APBA2: variants seen among roughly 807,000 people sequenced by gnomAD.
The protein encoded by APBA2 is amyloid beta precursor protein binding family A member 2.
APBA2 carries 30 observed loss-of-function variants against 75.0 expected under a neutral mutation model. The observed-to-expected ratio is 0.40, with a 90% CI of 0.30 to 0.54. APBA2 has a LOEUF of 0.54. Ranked by LOEUF, APBA2 falls within the 20% of genes least tolerant of loss-of-function variation. The pLI is 0.49. For synonymous variants in APBA2, 444 were observed against 409.6 expected (o/e 1.08, Z -1.01); for missense variants, 801 against 1,016.1 (o/e 0.79, Z 2.88).
At chr15:29,074,283 G>A (rs1468500981) in intron 4 of APBA2, among the ~76,000 whole-genome samples, 1 of 152,158 alleles carries the variant, frequency 6.6e-6, no homozygotes, top group Non-Finnish European at 1.5e-5. Flanking sequence ...GAGGTGGCAT[G>A]TACACACAGT....
intron 6 of APBA2, among the ~76,000 whole-genome samples, chr15:29,080,206 T>G (rs1454371379): frequency 6.6e-6 from 1 of 152,176 alleles, no homozygotes; most frequent in Non-Finnish European, 1.5e-5. Context: ...AACTTAACAA[T>G]CACTATATCC....
At position 29,108,342 on chromosome 15, in the gene APBA2, C is replaced by T. The variant is rs1163175260; in HGVS notation, c.1990C>T (p.Arg664Trp). 5 of 1,613,952 alleles carry T rather than the reference C, an allele frequency of 3.1e-6. No homozygotes were observed. The highest frequency in any genetic ancestry group is 1.3e-5 in the African/African-American group (1 of 74,926). ...CPPVTTVLIK[R>W]PDLKYQLGFS... ...CCCGGTCACCACGGTCCTTATCAAG[C>T]GGCCAGACCTCAAGTACCAGCTGGG... Residue 664 changes from arginine (R) to tryptophan (W), a missense_variant, in exon 13 of 15, where the codon CGG becomes TGG. Physicochemically the swap from Arg to Trp is moderately radical, Grantham distance 101. Coordinates refer to ENST00000683413, the MANE Select transcript of APBA2 (RefSeq NM_001353788.2).
chr15:28,965,348 G>A (rs1435577894), intron 2 of APBA2, among the ~76,000 whole-genome samples: 1 of 152,006 alleles, frequency 6.6e-6, no homozygotes, highest in African/African-American at 2.4e-5. Context: ...CTCTCCCTTT[G>A]CCTATATCAC....
At chr15:29,011,901 T>G (rs973478703) in intron 3 of APBA2, among the ~76,000 whole-genome samples, 1 of 152,224 alleles carries the variant, frequency 6.6e-6, no homozygotes, top group African/African-American at 2.4e-5. Flanking sequence ...ATGAATTCTT[T>G]CTTTTCCATA....
intron 3 of APBA2, among the ~76,000 whole-genome samples, chr15:29,005,250 G>C (rs1160346436): frequency 6.6e-6 from 1 of 152,088 alleles, no homozygotes; most frequent in African/African-American, 2.4e-5. Flanking sequence ...TGGACAATGG[G>C]AATAATGTGC....
chr15:28,892,336 A>C (rs2152609771), intron 1 of APBA2, among the ~76,000 whole-genome samples: 1 of 152,296 alleles, frequency 6.6e-6, no homozygotes, highest in African/African-American at 2.4e-5. Context: ...CGGCCTCCCA[A>C]GGTGCTGGGA....
chr15:28,914,558 C>T (rs2033578036), intron 1 of APBA2, among the ~76,000 whole-genome samples: 1 of 152,160 alleles, frequency 6.6e-6, no homozygotes, highest in East Asian at 1.9e-4. Context: ...CTACAAGCTG[C>T]TCCTCCTCCC....
intron 4 of APBA2, 132 bp from the exon 5 acceptor site, chr15:29,074,789 C>T (rs1165648248): frequency 4.1e-6 from 3 of 739,206 alleles, no homozygotes; most frequent in Non-Finnish European, 7.3e-6. Context: ...AAATAGACGT[C>T]TGCACACACA....
intron 2 of APBA2, among the ~76,000 whole-genome samples, chr15:28,941,104 T>C (rs769221906): frequency 1.8e-4 from 28 of 152,310 alleles, no homozygotes; most frequent in Admixed American, 1.2e-3. Context: ...CAATTATATA[T>C]TTTTGGTAAA....
intron 1 of APBA2, among the ~76,000 whole-genome samples, chr15:28,901,908 A>AGGTGTGTGTGTGTG (rs1555370175): frequency 3.0e-5 from 2 of 67,378 alleles, no homozygotes; most frequent in Non-Finnish European, 5.5e-5. Flanking sequence ...GGAGCTTTTG[A>AGGTGTGTGTGTGTG]TGTGTGTGTG....
chr15:29,064,695 G>T (rs2042299253), intron 4 of APBA2, among the ~76,000 whole-genome samples: 1 of 152,156 alleles, frequency 6.6e-6, no homozygotes, highest in South Asian at 2.1e-4. Flanking sequence ...GGAAGGCGAG[G>T]GACATGGGTT....
intron 3 of APBA2, among the ~76,000 whole-genome samples, chr15:29,003,056 C>G (rs1023229604): frequency 5.3e-5 from 8 of 152,080 alleles, no homozygotes; most frequent in African/African-American, 1.9e-4. Flanking sequence ...GATGGAGGAG[C>G]TAGGGGGTGA....
At chr15:28,952,121 C>A (rs2152724827) in intron 2 of APBA2, among the ~76,000 whole-genome samples, 1 of 152,086 alleles carries the variant, frequency 6.6e-6, no homozygotes, top group East Asian at 1.9e-4. Flanking sequence ...CTGGACCTAG[C>A]CTTCTGATCA....
At chr15:29,074,427 A>G (rs892562545) in intron 4 of APBA2, among the ~76,000 whole-genome samples, 2 of 152,244 alleles carry the variant, frequency 1.3e-5, no homozygotes, top group Admixed American at 1.3e-4. Flanking sequence ...CACTCCACTT[A>G]CATGAGGGGC....
At chr15:28,907,599 G>A (rs546108435) in intron 1 of APBA2, among the ~76,000 whole-genome samples, 41 of 152,350 alleles carry the variant, frequency 2.7e-4, no homozygotes, top group African/African-American at 7.5e-4. Context: ...GGTCATTGCG[G>A]TGTCTCTGCA....
intron 2 of APBA2, among the ~76,000 whole-genome samples, chr15:28,978,172 T>C (rs2037439944): frequency 6.6e-6 from 1 of 152,238 alleles, no homozygotes; most frequent in Non-Finnish European, 1.5e-5. Context: ...CCTGTCCCTC[T>C]TGGGCGTTTG....
At chr15:29,070,673 C>T (rs911921133) in intron 4 of APBA2, 27 of 179,510 alleles carry the variant, frequency 1.5e-4, no homozygotes, top group African/African-American at 5.2e-4. Context: ...AAGACGTCCA[C>T]GCTGCTGAGT....
At chr15:29,037,765 C>T (rs2040821242) in intron 3 of APBA2, among the ~76,000 whole-genome samples, 1 of 152,116 alleles carries the variant, frequency 6.6e-6, no homozygotes, top group Non-Finnish European at 1.5e-5. Flanking sequence ...AGCATGGTGC[C>T]AGCATCTGGT....
At chr15:28,920,908 C>T (rs1391121899) in intron 1 of APBA2, among the ~76,000 whole-genome samples, 1 of 152,182 alleles carries the variant, frequency 6.6e-6, no homozygotes, top group Non-Finnish European at 1.5e-5. Flanking sequence ...GGACGTCTAT[C>T]TCTGCAGCTC....
Sources: gnomAD v4.1 joint callset for allele counts (sites outside exome capture counted in the v4.1 genomes callset) on GRCh38, gnomAD v4.1.1 for gene constraint, MANE v1.5 for transcripts, NCBI Gene and HGNC (gene_info 2026-07-23, HGNC 2026-07-21) for gene names.